The following DNMT3A variants were observed in gnomAD, a reference collection of about 807,000 sequenced individuals.
DNMT3A encodes DNA methyltransferase 3 alpha, also known as DNA (cytosine-5)-methyltransferase 3A.
A neutral mutation model predicts 117.6 loss-of-function variants in DNMT3A; 267 were observed. That is an observed-to-expected ratio of 2.27 (90% CI 2.05 to 2.51). The LOEUF (loss-of-function observed/expected upper bound fraction) is 2.51. DNMT3A is among the 30% of genes most tolerant of loss of function. The pLI is 0.00. For missense variants in DNMT3A, 1,029 were observed against 1,260.2 expected, an observed-to-expected ratio of 0.82 and a Z score of 2.78; for synonymous variants, 432 against 474.8, an observed-to-expected ratio of 0.91 and a Z score of 1.17.
At chr2:25,263,030 G>A (rs539278363) in intron 6 of DNMT3A, among the ~76,000 whole-genome samples, 2 of 152,256 alleles carry the variant, frequency 1.3e-5, no homozygotes, top group Admixed American at 6.5e-5. Flanking sequence ...GCATGATCAT[G>A]GCTCACTGCA....
chr2:25,278,176 G>A (rs896923860), intron 4 of DNMT3A, among the ~76,000 whole-genome samples: 4 of 152,246 alleles, frequency 2.6e-5, no homozygotes, highest in African/African-American at 9.6e-5. Context: ...CACCGCCAGG[G>A]CCAGGTGGTT....
chr2:25,290,322 T>C, intron 3 of DNMT3A, among the ~76,000 whole-genome samples: 1 of 140,416 alleles, frequency 7.1e-6, no homozygotes, highest in South Asian at 2.2e-4. Flanking sequence ...TGGAAGTGAT[T>C]TTTTTTTTTT....
At chr2:25,310,027 G>A (rs1487320192) in intron 2 of DNMT3A, among the ~76,000 whole-genome samples, 2 of 152,206 alleles carry the variant, frequency 1.3e-5, no homozygotes, top group Non-Finnish European at 2.9e-5. Flanking sequence ...CTGCACTCCA[G>A]CCTGGGCAAC....
At chr2:25,307,277 G>T (rs1224491673) in intron 2 of DNMT3A, among the ~76,000 whole-genome samples, 1 of 152,148 alleles carries the variant, frequency 6.6e-6, no homozygotes, top group Non-Finnish European at 1.5e-5. Context: ...GTACCAGAGA[G>T]GAAAGGCTCA....
Position 25,233,719 on chromosome 2 carries a change from GCTC to G in DNMT3A, c.*557_*559del, listed in dbSNP as rs1673007109. 4.8e-6 allele frequency: 1 copy of G among 209,550 alleles called. No individual in the cohort carries two copies. The highest frequency in any genetic ancestry group is 6.9e-5 in the Admixed American group (1 of 14,570). 13.0% of individuals were successfully genotyped at this position (209,550 alleles called of 1,614,324 possible). A position where few individuals can be genotyped will look rare whatever the true frequency, so the allele number is the denominator to read the frequency against. On this transcript the variant is annotated 3_prime_UTR_variant, in exon 23 of 23. Transcript: ENST00000321117. Reference sequence around the variant, plus strand: ...CTCTCTCTTTCCGTCCCCTGCTTGTGCTCCTATCTGATCAGGCTAGAGACAACA... The same window carrying G: ...CTCTCTCTTTCCGTCCCCTGCTTGTGCTATCTGATCAGGCTAGAGACAACA...
chr2:25,326,057 C>T (rs2034773373), intron 1 of DNMT3A, among the ~76,000 whole-genome samples: 1 of 151,208 alleles, frequency 6.6e-6, no homozygotes, highest in South Asian at 2.1e-4. Flanking sequence ...TGAACAAATG[C>T]AGAAACCAGG....
chr2:25,243,137 T>C (rs528661380), intron 16 of DNMT3A, among the ~76,000 whole-genome samples: 9 of 152,108 alleles, frequency 5.9e-5, no homozygotes, highest in Admixed American at 5.9e-4. Flanking sequence ...AAACACCGTC[T>C]CTACTAAAAA....
Position 25,246,017 on chromosome 2 carries a change from T to C in DNMT3A, c.1474+3A>G. Reference sequence around the variant, plus strand: ...TGCCAGAGTTCCCAGGCAACAAACTTACCCTCAATGTTCCGGCACTTCTGC... The same window carrying C: ...TGCCAGAGTTCCCAGGCAACAAACTCACCCTCAATGTTCCGGCACTTCTGC... On this transcript the variant is annotated splice_donor_region_variant and intron_variant, in intron 12 of 22. Transcript: ENST00000321117. 1 of 1,613,836 alleles carries C rather than the reference T, an allele frequency of 6.2e-7. No homozygotes were observed. Among genetic ancestry groups the C allele is most frequent in the Non-Finnish European group, 8.5e-7 (1 of 1,179,824 alleles).
At position 25,252,860 on chromosome 2, in the gene DNMT3A, G is replaced by C. The variant is rs764720464; in HGVS notation, c.640-4608C>G. On this transcript the variant is annotated intron_variant, in intron 6 of 22. Transcript: ENST00000321117. This position sits in a 1 kb window ranked among gnomAD's most constrained non-coding sequence, Gnocchi z 5.5. Reference sequence around the variant, plus strand: ...AGACGGAGAGTGACAGCAGGCGCGCGCAGGCATTGGGAGCGCTCCAGATCG... The same window carrying C: ...AGACGGAGAGTGACAGCAGGCGCGCCCAGGCATTGGGAGCGCTCCAGATCG... Among the ~76,000 whole-genome samples, 2 of 152,142 alleles carry C rather than the reference G, an allele frequency of 1.3e-5. No individual in the cohort carries two copies. Among genetic ancestry groups the C allele is most frequent in the African/African-American group, 4.8e-5 (2 of 41,502 alleles).
At chr2:25,239,453 G>C (rs934297165) in intron 19 of DNMT3A, 1 of 620,988 alleles carries the variant, frequency 1.6e-6, no homozygotes. Flanking sequence ...ATGGTGGGTT[G>C]TCCTCTACAC....
Position 25,252,133 on chromosome 2 carries a change from T to C in DNMT3A, c.640-3881A>G. The C allele has an allele frequency of 1.3e-6, 2 of 1,538,066 alleles. No homozygotes were observed. Among genetic ancestry groups the C allele is most frequent in the East Asian group, 2.5e-5 (1 of 39,542 alleles). ...CAAACCCGGAGGGCTGCGGAGATCCTCCCACCGGCCCTGCCGCCTCCCCGC... is the reference window on the plus strand; with the variant it reads ...CAAACCCGGAGGGCTGCGGAGATCCCCCCACCGGCCCTGCCGCCTCCCCGC... On this transcript the variant is annotated intron_variant, in intron 6 of 22. Transcript: ENST00000321117. The surrounding 1 kb of genome is among the most constrained non-coding windows in gnomAD (Gnocchi z 5.5).
chr2:25,301,481 A>G (rs1283814877), intron 2 of DNMT3A, among the ~76,000 whole-genome samples: 1 of 151,966 alleles, frequency 6.6e-6, no homozygotes, highest in Admixed American at 6.6e-5. Flanking sequence ...TCTTGCATTC[A>G]CCGAGTTTGG....
At position 25,257,530 on chromosome 2, in the gene DNMT3A, C is replaced by T. The variant is rs1401681983; in HGVS notation, c.640-9278G>A. Among the ~76,000 whole-genome samples the T allele has an allele frequency of 6.6e-6, 1 of 152,148 alleles. No individual in the cohort carries two copies. On this transcript the variant is annotated intron_variant, in intron 6 of 22. Coordinates refer to ENST00000321117, the MANE Select transcript of DNMT3A (RefSeq NM_022552.5). The surrounding 1 kb of genome is among the most constrained non-coding windows in gnomAD (Gnocchi z 4.8). Reference sequence around the variant, plus strand: ...GGGGGTCTGGTCTTGGCTTAGCCGGCATGACCAGGAAACACCCGCTTCCTG... The same window carrying T: ...GGGGGTCTGGTCTTGGCTTAGCCGGTATGACCAGGAAACACCCGCTTCCTG...
chr2:25,325,226 T>G (rs2034741152), intron 1 of DNMT3A, among the ~76,000 whole-genome samples: 1 of 152,132 alleles, frequency 6.6e-6, no homozygotes, highest in African/African-American at 2.4e-5. Context: ...CAGACTTCCG[T>G]AAGGCAGCAC....
At position 25,264,115 on chromosome 2, in the gene DNMT3A, G is replaced by T. The variant is rs536224933; in HGVS notation, c.639+10826C>A. 1.8e-3 allele frequency among the ~76,000 whole-genome samples: 255 copies of T among 140,540 alleles called. 2 individuals are homozygous for T. The highest frequency in any genetic ancestry group is 6.5e-3 in the African/African-American group (244 of 37,584). 92.2% of individuals were successfully genotyped at this position (140,540 alleles called of 152,430 possible). On this transcript the variant is annotated intron_variant, in intron 6 of 22. Coordinates refer to ENST00000321117, the MANE Select transcript of DNMT3A (RefSeq NM_022552.5). ...GAGCACACAGTATCTGCTCAGTAAA[G>T]GCTGGACAACCCTTTGGTTTTTTTT... is the stretch of plus-strand genomic sequence containing the variant.
At chr2:25,265,395 T>C (rs954443530) in intron 6 of DNMT3A, among the ~76,000 whole-genome samples, 1 of 152,194 alleles carries the variant, frequency 6.6e-6, no homozygotes, top group Non-Finnish European at 1.5e-5. Flanking sequence ...GTCATTTGGG[T>C]ACACAACAGA....
At chr2:25,251,432 T>C (rs868720063) in intron 6 of DNMT3A, among the ~76,000 whole-genome samples, 6 of 152,120 alleles carry the variant, frequency 3.9e-5, no homozygotes, top group South Asian at 2.1e-4. Flanking sequence ...CCCTGCTGGC[T>C]CACGGAAGCC....
At chr2:25,290,170 A>T (rs2032640124) in intron 3 of DNMT3A, among the ~76,000 whole-genome samples, 1 of 152,082 alleles carries the variant, frequency 6.6e-6, no homozygotes, top group Non-Finnish European at 1.5e-5. Flanking sequence ...TTTTTTTGAG[A>T]CAAGGTCTCA....
rs1676202864 is a variant in DNMT3A, at chr2:25,257,099, A to G, written c.640-8847T>C. On this transcript the variant is annotated intron_variant, in intron 6 of 22. Coordinates refer to ENST00000321117, the MANE Select transcript of DNMT3A (RefSeq NM_022552.5). This position sits in a 1 kb window ranked among gnomAD's most constrained non-coding sequence, Gnocchi z 4.8. ...ATCTTTGTTTTCCTATTCCCTTGCA[A>G]TCCATATGGAGGTTGCAAGCAAATG... Among the ~76,000 whole-genome samples, 1 of 152,172 alleles carries G rather than the reference A, an allele frequency of 6.6e-6. No individual in the cohort carries two copies. Among genetic ancestry groups the G allele is most frequent in the Non-Finnish European group, 1.5e-5 (1 of 68,036 alleles).
Sources: gnomAD v4.1 joint callset for allele counts (sites outside exome capture counted in the v4.1 genomes callset) on GRCh38, gnomAD v4.1.1 for gene constraint, Gnocchi (gnomAD v3.1) non-coding constraint, MANE v1.5 for transcripts, NCBI Gene and HGNC (gene_info 2026-07-23, HGNC 2026-07-21) for gene names.